Variants in SAMD7 observed in about 807,000 individuals in gnomAD.
The protein encoded by SAMD7 is sterile alpha motif domain-containing protein 7.
SAMD7 carries 34 observed loss-of-function variants against 36.7 expected under a neutral mutation model. The ratio of observed to expected loss-of-function variants is 0.93; its 90% confidence interval spans 0.71 to 1.23. The LOEUF (loss-of-function observed/expected upper bound fraction) is 1.23. Ranked by LOEUF, SAMD7 falls within the 50% of genes most tolerant of loss-of-function variation. The pLI, the probability that SAMD7 is intolerant of heterozygous loss-of-function variation, is 0.00. For synonymous variants in SAMD7, 188 were observed against 189.7 expected (o/e 0.99, Z 0.07); for missense variants, 570 against 546.6 (o/e 1.04, Z -0.43).
intron 7 of SAMD7, chr3:169,932,153 G>A: frequency 1.7e-6 from 1 of 586,810 alleles, no homozygotes; most frequent in Non-Finnish European, 3.1e-6. Context: ...ACTGGCTTGT[G>A]GATGGAGCTG....
rs1289374639 is a variant in SAMD7 at position 169,927,166 on chromosome 3, C to T, written c.904C>T (p.Arg302Ter). The T allele has an allele frequency of 1.3e-6, 2 of 1,529,634 alleles. No individual in the cohort carries two copies. The highest frequency in any genetic ancestry group is 1.7e-6 in the Non-Finnish European group (2 of 1,143,448). 94.8% of individuals were successfully genotyped at this position (1,529,634 alleles called of 1,614,324 possible). A position where few individuals can be genotyped will look rare whatever the true frequency, so the allele number is the denominator to read the frequency against. ...EKNGVCPPVPRPSLPGTHALV... is the reference protein window; with the variant it reads ...EKNGVCPPVP ...GAATGGGGTTTGCCCTCCAGTTCCT[C>T]GACCATCTCTGCCAGGTGGGTGTCC... is the stretch of plus-strand genomic sequence containing the variant. The change falls in exon 6 of 9, where the codon CGA becomes TGA. Residue 302 changes from arginine to a stop codon, truncating the protein, a stop_gained. Transcript: ENST00000335556. LOFTEE classifies it high-confidence loss of function.
At chr3:169,915,041 G>T (rs1004314817) in intron 1 of SAMD7, among the ~76,000 whole-genome samples, 3 of 152,066 alleles carry the variant, frequency 2.0e-5, no homozygotes, top group Non-Finnish European at 1.5e-5. Context: ...CAGTCTGAAG[G>T]TTTTCTCCTG....
Position 169,930,533 on chromosome 3 carries a change from G to A in SAMD7, c.1041+1955G>A, listed in dbSNP as rs186159311. On this transcript the variant is annotated intron_variant, in intron 7 of 8. Coordinates refer to ENST00000335556, the MANE Select transcript of SAMD7 (RefSeq NM_001304366.2). ...TCTCACAAGGACGCTTGTCTAAAAT[G>A]TCCCATCAGGTGTTACTCATTGTTA... Among the ~76,000 whole-genome samples the A allele has an allele frequency of 1.0e-3, 151 of 149,252 alleles. 1 individual carries two copies. The highest frequency in any genetic ancestry group is 2.5e-4 in the Non-Finnish European group (17 of 67,578).
intron 5 of SAMD7, among the ~76,000 whole-genome samples, chr3:169,925,838 A>G (rs567795155): frequency 6.6e-6 from 1 of 152,310 alleles, no homozygotes; most frequent in Admixed American, 6.5e-5. Context: ...TGAAATTCAT[A>G]TTGGCATTAC....
chr3:169,925,995 A>G (rs919626580), intron 5 of SAMD7, among the ~76,000 whole-genome samples: 1 of 152,192 alleles, frequency 6.6e-6, no homozygotes, highest in Non-Finnish European at 1.5e-5. Context: ...AAAGTATAAC[A>G]ATGAATAGGG....
chr3:169,919,662 G>C (rs1712960067), intron 3 of SAMD7, 78 bp downstream of exon 3: 1 of 1,200,282 alleles, frequency 8.3e-7, no homozygotes, highest in Non-Finnish European at 1.2e-6. Context: ...GTTAAGTCTA[G>C]TGTTGTTTTA....
chr3:169,912,832 G>A lies in SAMD7; in HGVS notation c.-117+1011G>A, dbSNP rs974940301. On this transcript the variant is annotated intron_variant, in intron 1 of 8. Transcript: ENST00000335556. ...TTTTAGCAGCACTGCCAAGTGCTTC[G>A]GTATGAACTGTCTTTCTAAAGTTCT... 3.3e-5 allele frequency among the ~76,000 whole-genome samples: 5 copies of A among 152,134 alleles called. No homozygotes were observed. The East Asian group carries it at 9.6e-4, about 29-fold the overall frequency.
At chr3:169,930,203 A>T (rs1166493953) in intron 7 of SAMD7, among the ~76,000 whole-genome samples, 1 of 152,256 alleles carries the variant, frequency 6.6e-6, no homozygotes, top group Non-Finnish European at 1.5e-5. Context: ...TCACATAAAC[A>T]TGAGTACTCC....
intron 5 of SAMD7, 31 bp downstream of exon 5, chr3:169,925,167 C>G: frequency 7.1e-7 from 1 of 1,417,178 alleles, no homozygotes; most frequent in Non-Finnish European, 9.9e-7. Context: ...TATTTATTCT[C>G]TATTCATTCA....
chr3:169,915,572 A>G (rs919679382), intron 2 of SAMD7, 131 bp downstream of exon 2: 2 of 112,428 alleles, frequency 1.8e-5, no homozygotes, highest in East Asian at 5.4e-4. Flanking sequence ...ATATATATAT[A>G]ATTTTTTTTT....
intron 2 of SAMD7, among the ~76,000 whole-genome samples, chr3:169,915,759 G>A (rs998968811): frequency 6.6e-5 from 10 of 151,680 alleles, no homozygotes; most frequent in African/African-American, 2.4e-4. Context: ...TGTATTTTTA[G>A]TAGAGACGGG....
chr3:169,922,580 AC>A (rs1559950008), intron 4 of SAMD7, among the ~76,000 whole-genome samples: 1 of 152,226 alleles, frequency 6.6e-6, no homozygotes, highest in Non-Finnish European at 1.5e-5. Context: ...GCTCACTGCA[AC>A]CTTTGCCTCC....
rs1559948640 is a variant in SAMD7, at chr3:169,919,471, G to A, written c.-28G>A. On this transcript the variant is annotated 5_prime_UTR_variant, in exon 3 of 9. Transcript: ENST00000335556. ...GGTTCTTTTTAGAACTCCATTAGTG[G>A]CGAGAGATATTGAAGACAAACCCGG... The A allele has an allele frequency of 6.4e-7, 1 of 1,573,914 alleles. No homozygotes were observed. Among genetic ancestry groups the A allele is most frequent in the Middle Eastern group, 1.7e-4 (1 of 5,994 alleles).
chr3:169,918,502 A>G (rs1294014494), intron 2 of SAMD7, among the ~76,000 whole-genome samples: 1 of 152,208 alleles, frequency 6.6e-6, no homozygotes, highest in African/African-American at 2.4e-5. Context: ...TTGTTTTTAT[A>G]TTTAAAATCA....
chr3:169,933,126 G>A (rs546038545), intron 7 of SAMD7: 13 of 816,490 alleles, frequency 1.6e-5, no homozygotes, highest in Admixed American at 8.7e-5. Context: ...TCGTCTGGAC[G>A]CCATGGACCA....
intron 4 of SAMD7, among the ~76,000 whole-genome samples, chr3:169,921,799 G>T (rs1713055345): frequency 6.6e-6 from 1 of 152,194 alleles, no homozygotes. Context: ...CTGAGATGGG[G>T]ACAAACCTGA....
At chr3:169,933,296 TC>T (rs1713590035) in intron 7 of SAMD7, 1 of 431,720 alleles carries the variant, frequency 2.3e-6, no homozygotes, top group Admixed American at 3.4e-5. Flanking sequence ...CACAATCAAT[TC>T]CAAATGGTAT....
Position 169,921,231 on chromosome 3 carries a change from C to T in SAMD7, c.104C>T (p.Thr35Ile), listed in dbSNP as rs942845028. 2 of 1,613,876 alleles carry T rather than the reference C, an allele frequency of 1.2e-6. No individual in the cohort carries two copies. The highest frequency in any genetic ancestry group is 1.7e-6 in the Non-Finnish European group (2 of 1,179,880). ...PTVDRDVLPS[T>I]VAPTDPRQFC... ...GTTCTCAGAGATGTATTGCCTTCCA[C>T]CGTAGCTCCAACTGACCCAAGACAG... Residue 35 changes from threonine to isoleucine, a missense_variant, in exon 4 of 9, where the codon ACC becomes ATC. Coordinates refer to ENST00000335556, the MANE Select transcript of SAMD7 (RefSeq NM_001304366.2).
intron 5 of SAMD7, among the ~76,000 whole-genome samples, chr3:169,925,368 TA>T (rs59937452): frequency 5.4e-4 from 79 of 147,140 alleles, no homozygotes; most frequent in Admixed American, 5.4e-4. Flanking sequence ...TGCTTTCACT[TA>T]AAAAAAAAAA....
Sources: allele counts gnomAD v4.1 joint callset (sites outside exome capture counted in the v4.1 genomes callset), GRCh38; gene constraint gnomAD v4.1.1; transcripts MANE v1.5; gene names NCBI Gene and HGNC (gene_info 2026-07-23, HGNC 2026-07-21).